The following PREX2 variants were observed in gnomAD, a reference collection of about 807,000 sequenced individuals.
PREX2 encodes the protein phosphatidylinositol-3,4,5-trisphosphate dependent Rac exchange factor 2.
PREX2 carries 107 observed loss-of-function variants against 203.2 expected under a neutral mutation model. The observed-to-expected ratio is 0.53, with a 90% confidence interval of 0.45 to 0.62. PREX2 has a LOEUF of 0.62. Ranked by LOEUF, PREX2 falls within the 20% of genes least tolerant of loss-of-function variation. PREX2 has a pLI of 0.00. For synonymous variants in PREX2, 672 were observed against 663.6 expected (o/e 1.01, Z -0.19); for missense variants, 1,777 against 1,955.9 (o/e 0.91, Z 1.72).
At chr8:68,086,432 T>C (rs1176185715) in intron 18 of PREX2, among the ~76,000 whole-genome samples, 1 of 152,192 alleles carries the variant, frequency 6.6e-6, no homozygotes, top group African/African-American at 2.4e-5. Context: ...CAGACTCTGT[T>C]TAATATGCCC....
chr8:68,162,900 C>T (rs1281354665), intron 35 of PREX2, among the ~76,000 whole-genome samples: 1 of 152,198 alleles, frequency 6.6e-6, no homozygotes, highest in Non-Finnish European at 1.5e-5. Context: ...AAATATCATA[C>T]AAGCTACAGT....
chr8:68,098,927 CATATATATGTGTAT>C (rs1222097156), intron 22 of PREX2, among the ~76,000 whole-genome samples: 2 of 106,566 alleles, frequency 1.9e-5, no homozygotes, highest in African/African-American at 8.1e-5. Context: ...AGAAATGCTA[CATATATATGTGTAT>C]ATATATATAT....
chr8:68,054,415 A>G (rs529032204), intron 9 of PREX2, among the ~76,000 whole-genome samples: 1 of 152,038 alleles, frequency 6.6e-6, no homozygotes, highest in South Asian at 2.1e-4. Context: ...CACATTCTCT[A>G]AAACTGCTTA....
intron 1 of PREX2, among the ~76,000 whole-genome samples, chr8:68,006,405 A>G (rs1310992882): frequency 6.6e-6 from 1 of 152,182 alleles, no homozygotes; most frequent in African/African-American, 2.4e-5. Flanking sequence ...GCTGAAACCT[A>G]AATCCCACTG....
intron 6 of PREX2, among the ~76,000 whole-genome samples, chr8:68,034,380 T>C (rs1050829438): frequency 2.1e-4 from 32 of 152,096 alleles, no homozygotes; most frequent in African/African-American, 7.2e-4. Flanking sequence ...TGTTGGCTGA[T>C]TGATTATGTT....
At chr8:68,171,508 C>T (rs181587959) in intron 35 of PREX2, among the ~76,000 whole-genome samples, 7 of 152,200 alleles carry the variant, frequency 4.6e-5, no homozygotes, top group Non-Finnish European at 1.0e-4. Context: ...GCTATGCTCC[C>T]CTGAAATGCG....
chr8:68,076,800 G>C (rs187083267), intron 14 of PREX2, among the ~76,000 whole-genome samples: 1 of 151,128 alleles, frequency 6.6e-6, no homozygotes, highest in Non-Finnish European at 1.5e-5. Context: ...AAAAGAAAAA[G>C]GTTGCTTTGG....
At chr8:68,171,287 A>G (rs1475315862) in intron 35 of PREX2, among the ~76,000 whole-genome samples, 1 of 152,218 alleles carries the variant, frequency 6.6e-6, no homozygotes, top group African/African-American at 2.4e-5. Flanking sequence ...AAAGCCAAAT[A>G]TATTTTATGT....
At chr8:67,986,118 TG>T (rs1385392919) in intron 1 of PREX2, among the ~76,000 whole-genome samples, 1 of 151,958 alleles carries the variant, frequency 6.6e-6, no homozygotes, top group East Asian at 1.9e-4. Flanking sequence ...ACAGGAAAAA[TG>T]GGGGAAAAAT....
intron 37 of PREX2, among the ~76,000 whole-genome samples, chr8:68,206,353 C>T (rs566985102): frequency 4.6e-5 from 7 of 152,286 alleles, no homozygotes; most frequent in African/African-American, 1.7e-4. Context: ...CTTTTGATAG[C>T]GAATCCATCT....
chr8:68,216,242 C>A (rs1337805133), intron 37 of PREX2, among the ~76,000 whole-genome samples: 2 of 152,188 alleles, frequency 1.3e-5, no homozygotes, highest in Admixed American at 6.5e-5. Context: ...GTTAGAGCCT[C>A]ATAACCAAGA....
At chr8:68,203,338 C>A (rs1311082191) in intron 37 of PREX2, among the ~76,000 whole-genome samples, 2 of 152,100 alleles carry the variant, frequency 1.3e-5, no homozygotes, top group African/African-American at 4.8e-5. Flanking sequence ...AATATGCATT[C>A]ATCTTTGAGG....
At chr8:68,182,525 G>T (rs377529918) in intron 35 of PREX2, among the ~76,000 whole-genome samples, 140 of 152,092 alleles carry the variant, frequency 9.2e-4, no homozygotes, top group African/African-American at 3.0e-3. Flanking sequence ...TGCATATAAA[G>T]AATCCTCTTA....
chr8:67,988,224 A>G (rs73257975), intron 1 of PREX2, among the ~76,000 whole-genome samples: 5,086 of 152,282 alleles, frequency 0.033, 253 homozygotes, highest in African/African-American at 0.11. Flanking sequence ...TCACTCTGGC[A>G]TGGAACCAGG....
chr8:67,972,756 C>A lies in PREX2; in HGVS notation c.141+20221C>A, dbSNP rs1048050651. 2.6e-5 allele frequency among the ~76,000 whole-genome samples: 4 copies of A among 152,254 alleles called. No individual in the cohort carries two copies. In the South Asian group the frequency reaches 8.3e-4, roughly 32 times the overall value. On this transcript the variant is annotated intron_variant, in intron 1 of 39. Coordinates refer to ENST00000288368, the MANE Select transcript of PREX2 (RefSeq NM_024870.4). ...CCTTTCTACCTACTTTAATCCCTTC[C>A]AGTAAGCTTATCAACTGACCATGGC...
intron 11 of PREX2, among the ~76,000 whole-genome samples, chr8:68,061,163 A>G (rs1395420056): frequency 6.6e-6 from 1 of 152,202 alleles, no homozygotes; most frequent in Non-Finnish European, 1.5e-5. Flanking sequence ...AGGGCATTCC[A>G]CCCGGAGGAA....
chr8:67,969,690 G>A (rs1172926554), intron 1 of PREX2, among the ~76,000 whole-genome samples: 1 of 152,084 alleles, frequency 6.6e-6, no homozygotes, highest in Non-Finnish European at 1.5e-5. Flanking sequence ...CCAGCTGCTG[G>A]GACCTTCCTC....
chr8:68,184,912 T>G (rs1363676381), intron 35 of PREX2, among the ~76,000 whole-genome samples: 1 of 152,176 alleles, frequency 6.6e-6, no homozygotes, highest in Non-Finnish European at 1.5e-5. Context: ...AGCACCAGCT[T>G]AACCCTATTG....
rs1402084421 is a variant in PREX2, at chr8:68,109,434, T to G, written c.2957T>G (p.Val986Gly). 1 of 1,613,870 alleles carries G rather than the reference T, an allele frequency of 6.2e-7. No homozygotes were observed. Among genetic ancestry groups the G allele is most frequent in the Non-Finnish European group, 8.5e-7 (1 of 1,179,858 alleles). The change falls in exon 25 of 40, where the codon GTG becomes GGG. Residue 986 changes from valine (V) to glycine (G), a missense_variant. Physicochemically the swap from Val to Gly is moderately radical, Grantham distance 109. Coordinates refer to ENST00000288368, the MANE Select transcript of PREX2 (RefSeq NM_024870.4). ...TCCTCAGGGAAACTGAGCCCTATGG[T>G]GTACATTCAGCACACCATCACAACC... ...SSEQGKLSPM[V>G]YIQHTITTMA...
Sources: allele counts gnomAD v4.1 joint callset (sites outside exome capture counted in the v4.1 genomes callset), GRCh38; gene constraint gnomAD v4.1.1; transcripts MANE v1.5; gene names NCBI Gene and HGNC (gene_info 2026-07-23, HGNC 2026-07-21).